The following IFT74 variants were observed in gnomAD, a reference collection of about 807,000 sequenced individuals.
IFT74 encodes intraflagellar transport 74.
A neutral mutation model predicts 96.7 loss-of-function variants in IFT74; 92 were observed. The ratio of observed to expected loss-of-function variants is 0.95; its 90% CI spans 0.80 to 1.13. The LOEUF is 1.13. Among genes scored for constraint, IFT74 ranks in the 50% most tolerant of loss-of-function variants. The pLI, the probability that IFT74 is intolerant of heterozygous loss-of-function variation, is 0.00. For missense variants in IFT74, 811 were observed against 698.2 expected, an observed-to-expected ratio of 1.16 and a Z score of -1.82; for synonymous variants, 223 against 213.2, an observed-to-expected ratio of 1.05 and a Z score of -0.40.
chr9:27,046,681 G>T (rs1819712495), intron 14 of IFT74, among the ~76,000 whole-genome samples: 1 of 152,100 alleles, frequency 6.6e-6, no homozygotes. Context: ...AATTATTGAT[G>T]TATCAAAGGA....
intron 8 of IFT74, among the ~76,000 whole-genome samples, chr9:26,991,295 C>T (rs1234406178): frequency 2.0e-5 from 3 of 152,148 alleles, no homozygotes; most frequent in African/African-American, 4.8e-5. Flanking sequence ...ATGCTCATGG[C>T]TCACTGCAGC....
intron 13 of IFT74, among the ~76,000 whole-genome samples, chr9:27,033,382 A>T (rs1830213285): frequency 6.6e-6 from 1 of 151,918 alleles, no homozygotes; most frequent in African/African-American, 2.4e-5. Context: ...ACAGGGCGAA[A>T]ACCTGTCTCT....
At chr9:26,995,660 C>G (rs748319054) in intron 8 of IFT74, 3 of 1,613,718 alleles carry the variant, frequency 1.9e-6, no homozygotes, top group African/African-American at 1.3e-5. Flanking sequence ...TGAAAGAGAG[C>G]TTGGATTTCC....
At chr9:26,964,990 T>C (rs1014640052) in intron 2 of IFT74, among the ~76,000 whole-genome samples, 9 of 152,168 alleles carry the variant, frequency 5.9e-5, no homozygotes, top group Non-Finnish European at 2.9e-5. Context: ...AAGATAATTA[T>C]TACATTTTCG....
intron 8 of IFT74, among the ~76,000 whole-genome samples, chr9:27,005,252 G>T: frequency 6.9e-6 from 1 of 144,962 alleles, no homozygotes; most frequent in South Asian, 2.2e-4. Context: ...TTTTTATCTT[G>T]CCAATTGGCT....
chr9:27,010,003 T>G (rs897926534), intron 9 of IFT74, among the ~76,000 whole-genome samples: 1 of 151,970 alleles, frequency 6.6e-6, no homozygotes, highest in Non-Finnish European at 1.5e-5. Context: ...AAAAATTTTT[T>G]TTTTGAGACG....
chr9:27,029,252 G>C, intron 13 of IFT74, 148 bp downstream of exon 13: 2 of 486,332 alleles, frequency 4.1e-6, no homozygotes, highest in Admixed American at 4.3e-5. Context: ...AATATATACT[G>C]TATGAGTAAT....
chr9:26,956,372 T>C (rs752847869), upstream of IFT74: 4 of 152,296 alleles, frequency 2.6e-5, no homozygotes, highest in Non-Finnish European at 5.9e-5. Flanking sequence ...GAGCCTCCGC[T>C]ATCCCGCCCC....
intron 8 of IFT74, chr9:26,999,770 CTTTTTT>C (rs1179000269): frequency 1.9e-3 from 632 of 339,454 alleles, no homozygotes; most frequent in Middle Eastern, 5.0e-3. Context: ...TCTGTTTATT[CTTTTTT>C]TTTTTTTTTT....
chr9:26,960,785 A>G (rs541340770), intron 1 of IFT74, among the ~76,000 whole-genome samples: 2 of 152,208 alleles, frequency 1.3e-5, no homozygotes, highest in Admixed American at 6.5e-5. Flanking sequence ...AGGTGAAGCA[A>G]TTCCAGATGA....
At chr9:26,995,552 A>C in intron 8 of IFT74, 1 of 1,591,382 alleles carries the variant, frequency 6.3e-7, no homozygotes, top group Non-Finnish European at 8.6e-7. Flanking sequence ...ATGGATATCT[A>C]TATATTTGTC....
At chr9:27,018,995 C>T (rs1216813332) in intron 12 of IFT74, among the ~76,000 whole-genome samples, 1 of 151,830 alleles carries the variant, frequency 6.6e-6, no homozygotes, top group African/African-American at 2.4e-5. Flanking sequence ...TTTTTGAGAC[C>T]AGGTCTCATT....
intron 17 of IFT74, 127 bp from the exon 18 acceptor site, chr9:27,056,207 T>A: frequency 1.4e-6 from 1 of 692,476 alleles, no homozygotes; most frequent in Non-Finnish European, 2.4e-6. Context: ...TACAAACGGG[T>A]TTTAGAGTAG....
intron 2 of IFT74, among the ~76,000 whole-genome samples, chr9:26,973,285 C>T (rs1187954717): frequency 6.6e-6 from 1 of 152,070 alleles, no homozygotes; most frequent in Non-Finnish European, 1.5e-5. Flanking sequence ...TCAGTATGAC[C>T]CATCTGATTT....
chr9:26,949,085 C>A (rs1825857653), intron 1 of IFT74, among the ~76,000 whole-genome samples: 1 of 152,046 alleles, frequency 6.6e-6, no homozygotes, highest in African/African-American at 2.4e-5. Context: ...CTAATATGTT[C>A]TTTTATGTCT....
chr9:26,973,827 T>G (rs1587264673), intron 2 of IFT74, among the ~76,000 whole-genome samples: 2 of 152,202 alleles, frequency 1.3e-5, no homozygotes, highest in Admixed American at 6.5e-5. Flanking sequence ...GGTGATAAGT[T>G]CACATTTAGG....
At chr9:26,951,846 C>T (rs574325325), upstream of IFT74, among the ~76,000 whole-genome samples, 3 of 151,982 alleles carry the variant, frequency 2.0e-5, no homozygotes, top group South Asian at 2.1e-4. Context: ...TGCAGTGAGC[C>T]GAGATAGCTC....
At position 27,047,314 on chromosome 9, in the gene IFT74, G is replaced by GA; in HGVS notation, c.1152dup (p.Arg385ThrfsTer40). 1 of 1,613,392 alleles carries GA rather than the reference G, an allele frequency of 6.2e-7. No individual in the cohort carries two copies. Among genetic ancestry groups the GA allele is most frequent in the East Asian group, 2.2e-5 (1 of 44,818 alleles). Reference sequence around the variant, plus strand: ...TTGAGGAAACAAAGAATCAGGAACTGAAACGAAAGGCACAGATAGAAGCCA... The same window carrying GA: ...TTGAGGAAACAAAGAATCAGGAACTGAAAACGAAAGGCACAGATAGAAGCCA... On this transcript the variant is annotated frameshift_variant, in exon 15 of 20. Coordinates refer to ENST00000380062, the MANE Select transcript of IFT74 (RefSeq NM_025103.4). LOFTEE classifies it high-confidence loss of function.
chr9:27,042,346 AG>A (rs1284792210), intron 13 of IFT74, among the ~76,000 whole-genome samples: 1 of 152,220 alleles, frequency 6.6e-6, no homozygotes, highest in Non-Finnish European at 1.5e-5. Flanking sequence ...AAGAGAAGAC[AG>A]AAAAATAATG....
Sources: allele counts gnomAD v4.1 joint callset (sites outside exome capture counted in the v4.1 genomes callset), GRCh38; gene constraint gnomAD v4.1.1; transcripts MANE v1.5; gene names NCBI Gene and HGNC (gene_info 2026-07-23, HGNC 2026-07-21).